The following SLC24A2 variants were observed in gnomAD, a reference collection of about 807,000 sequenced individuals.
SLC24A2 encodes sodium/potassium/calcium exchanger 2.
SLC24A2 carries 36 observed loss-of-function variants against 62.0 expected under a neutral mutation model. The observed-to-expected ratio is 0.58, with a 90% CI of 0.44 to 0.77. The LOEUF (loss-of-function observed/expected upper bound fraction) is 0.77, where lower values mean the gene tolerates loss of function less well. SLC24A2 is among the 30% of genes least tolerant of loss of function. SLC24A2 has a pLI of 0.00. For synonymous variants in SLC24A2, 358 were observed against 294.0 expected (o/e 1.22, Z -2.23); for missense variants, 846 against 817.9 (o/e 1.03, Z -0.42).
chr9:20,210,720 G>A, the SLC24A2 span, among the ~76,000 whole-genome samples: 7 of 135,424 alleles, frequency 5.2e-5, no homozygotes, highest in Admixed American at 8.7e-5. Flanking sequence ...TAGCCAGGAT[G>A]GTCTGGATCT....
chr9:19,602,655 T>C lies in SLC24A2; in HGVS notation c.1079-5376A>G, dbSNP rs576492621. On this transcript the variant is annotated intron_variant, in intron 4 of 10. Transcript: ENST00000341998. ...CTTCAGCTGTTCAGGAAAGTGGTATTGTCCAGTGGTTAAAAGAGTGTGTTC... is the reference window on the plus strand; with the variant it reads ...CTTCAGCTGTTCAGGAAAGTGGTATCGTCCAGTGGTTAAAAGAGTGTGTTC... 1.4e-3 allele frequency among the ~76,000 whole-genome samples: 206 copies of C among 152,318 alleles called. 1 individual carries two copies. The highest frequency in any genetic ancestry group is 3.4e-3 in the African/African-American group (141 of 41,574).
intron 7 of SLC24A2, among the ~76,000 whole-genome samples, chr9:19,559,373 T>A (rs1186349358): frequency 6.6e-6 from 1 of 152,192 alleles, no homozygotes; most frequent in African/African-American, 2.4e-5. Context: ...GCAATGTGAA[T>A]AAATAGAAAG....
At position 19,730,665 on chromosome 9, in the gene SLC24A2, A is replaced by C. The variant is rs539091854; in HGVS notation, c.930+55272T>G. Among the ~76,000 whole-genome samples, 27 of 152,296 alleles carry C rather than the reference A, an allele frequency of 1.8e-4. No individual in the cohort carries two copies. In the East Asian group the frequency reaches 5.0e-3, roughly 28 times the overall value. ...GTCATTGTTTTATTGCTTAGAATACACACATATGTATATTGACAATGGTTT... is the reference window on the plus strand; with the variant it reads ...GTCATTGTTTTATTGCTTAGAATACCCACATATGTATATTGACAATGGTTT... On this transcript the variant is annotated intron_variant, in intron 2 of 10. Transcript: ENST00000341998.
At chr9:19,832,931 G>C in the SLC24A2 span, among the ~76,000 whole-genome samples, 3 of 151,994 alleles carry the variant, frequency 2.0e-5, no homozygotes. Context: ...GTGAGCAAAG[G>C]ATATGAACAG....
the SLC24A2 span, among the ~76,000 whole-genome samples, chr9:19,919,989 TAATGGAATGG>T: frequency 3.3e-5 from 5 of 152,280 alleles, no homozygotes; most frequent in South Asian, 6.2e-4. Context: ...GGAAAAATTA[TAATGGAATGG>T]AATGGAATGT....
At chr9:20,241,424 C>G in the SLC24A2 span, among the ~76,000 whole-genome samples, 1 of 152,166 alleles carries the variant, frequency 6.6e-6, no homozygotes, top group South Asian at 2.1e-4. Context: ...CCATCTGTAC[C>G]TCACCATCCA....
At chr9:20,096,990 A>G in the SLC24A2 span, among the ~76,000 whole-genome samples, 1 of 152,168 alleles carries the variant, frequency 6.6e-6, no homozygotes, top group Non-Finnish European at 1.5e-5. Context: ...ACCTAGTTCA[A>G]ACTTACTAAA....
chr9:20,087,495 C>G, the SLC24A2 span, among the ~76,000 whole-genome samples: 6 of 152,270 alleles, frequency 3.9e-5, no homozygotes, highest in Admixed American at 2.0e-4. Flanking sequence ...TTGTGTAAAT[C>G]TGCTCTCAAA....
At chr9:19,946,904 G>A in the SLC24A2 span, among the ~76,000 whole-genome samples, 39 of 152,190 alleles carry the variant, frequency 2.6e-4, no homozygotes, top group Middle Eastern at 3.4e-3. Flanking sequence ...GTGAATGTGT[G>A]GATGTCTAAT....
chr9:19,718,284 CTTTTTTTTTTTTTT>C (rs71335446), intron 2 of SLC24A2, among the ~76,000 whole-genome samples: 1 of 55,714 alleles, frequency 1.8e-5, no homozygotes, highest in Non-Finnish European at 2.9e-5. Context: ...TGATTTAACA[CTTTTTTTTTTTTTT>C]TTTTTTTTTT....
the SLC24A2 span, among the ~76,000 whole-genome samples, chr9:20,180,216 T>G: frequency 2.0e-5 from 3 of 152,214 alleles, no homozygotes; most frequent in African/African-American, 7.2e-5. Flanking sequence ...AAAGTTTTCT[T>G]GTTTGTAAAT....
the SLC24A2 span, among the ~76,000 whole-genome samples, chr9:20,034,658 C>T: frequency 2.0e-4 from 30 of 151,960 alleles, no homozygotes; most frequent in African/African-American, 7.0e-4. Flanking sequence ...TTAGTAGAGA[C>T]GGGGTTTCAC....
chr9:20,290,031 G>T, the SLC24A2 span, among the ~76,000 whole-genome samples: 1 of 152,156 alleles, frequency 6.6e-6, no homozygotes, highest in Non-Finnish European at 1.5e-5. Context: ...AACCCTGGCT[G>T]AGCTCTTGCC....
At chr9:20,175,884 A>C in the SLC24A2 span, among the ~76,000 whole-genome samples, 55 of 152,094 alleles carry the variant, frequency 3.6e-4, no homozygotes, top group Admixed American at 2.2e-3. Flanking sequence ...TGAATTAATT[A>C]GACTGAAGGT....
At chr9:20,132,438 T>C in the SLC24A2 span, among the ~76,000 whole-genome samples, 8 of 152,264 alleles carry the variant, frequency 5.3e-5, no homozygotes, top group African/African-American at 1.7e-4. Context: ...TGTGGATTGC[T>C]GGATTTTTGC....
the SLC24A2 span, among the ~76,000 whole-genome samples, chr9:19,963,050 C>G: frequency 2.0e-5 from 3 of 152,062 alleles, no homozygotes; most frequent in Non-Finnish European, 4.4e-5. Flanking sequence ...CCTAAGCCCT[C>G]AGAAATAACG....
the SLC24A2 span, among the ~76,000 whole-genome samples, chr9:20,295,047 T>TATATATAC: frequency 6.8e-6 from 1 of 146,274 alleles, no homozygotes. Context: ...TATATATATA[T>TATATATAC]ATATATACAC....
At chr9:19,949,984 T>C in the SLC24A2 span, among the ~76,000 whole-genome samples, 6 of 152,116 alleles carry the variant, frequency 3.9e-5, no homozygotes, top group African/African-American at 1.4e-4. Flanking sequence ...CCCAGACCCA[T>C]CCACTGAATT....
rs192625587 is a variant in SLC24A2 at position 19,641,105 on chromosome 9, G to T, written c.931-18806C>A. Among the ~76,000 whole-genome samples the T allele has an allele frequency of 7.7e-4, 118 of 152,330 alleles. 2 individuals are homozygous for T. Among genetic ancestry groups the T allele is most frequent in the African/African-American group, 2.7e-3 (114 of 41,574 alleles). The stretch of plus-strand genomic sequence containing the variant: ...GTGATTTTGCTCTGGTCCAGACCAA[G>T]TCACCAAAGACCATTCAGATGTAAA... On this transcript the variant is annotated intron_variant, in intron 2 of 10. Transcript: ENST00000341998.
Sources: allele counts gnomAD v4.1 joint callset (sites outside exome capture counted in the v4.1 genomes callset), GRCh38; gene constraint gnomAD v4.1.1; transcripts MANE v1.5; gene names NCBI Gene and HGNC (gene_info 2026-07-23, HGNC 2026-07-21).